The following TCHH variants were observed in gnomAD, a reference collection of about 807,000 sequenced individuals.
TCHH encodes the protein trichohyalin.
A neutral mutation model predicts 6.3 loss-of-function variants in TCHH; 6 were observed. That is an observed-to-expected ratio of 0.95 (90% confidence interval 0.52 to 1.88). The LOEUF is 1.88. Ranked by LOEUF, TCHH falls within the 40% of genes most tolerant of loss-of-function variation. The pLI is 0.01. For synonymous variants in TCHH, 1,087 were observed against 963.6 expected (o/e 1.13, Z -2.37); for missense variants, 2,920 against 2,449.1 (o/e 1.19, Z -4.06).
Position 152,108,084 on chromosome 1 carries a change from C to A in TCHH, c.5133G>T (p.Gln1711His). ...RRQERERKFLQEEQQLRRQEL... is the reference protein window; with the variant it reads ...RRQERERKFLHEEQQLRRQEL... ...CCTGGCGGCGCAGCTGCTGTTCCTC[C>A]TGGAGGAATTTTCTCTCTCGTTCCT... The change falls in exon 3 of 3, where the codon CAG (glutamine) becomes CAT (histidine). Residue 1711 changes from glutamine to histidine, a missense_variant. Gln to His is a conservative substitution (Grantham distance 24). Transcript: ENST00000614923. 6.2e-7 allele frequency: 1 copy of A among 1,611,938 alleles called. No homozygotes were observed. The highest frequency in any genetic ancestry group is 8.5e-7 in the Non-Finnish European group (1 of 1,179,428).
Position 152,107,780 on chromosome 1 carries a change from G to A in TCHH, c.5437C>T (p.Arg1813Cys), listed in dbSNP as rs760620259. 2.9e-5 allele frequency: 47 copies of A among 1,614,072 alleles called. No individual in the cohort carries two copies. The highest frequency in any genetic ancestry group is 3.9e-5 in the Non-Finnish European group (46 of 1,180,022). Residue 1813 changes from arginine to cysteine, a missense_variant, in exon 3 of 3, where the codon CGC becomes TGC. Coordinates refer to ENST00000614923, the MANE Select transcript of TCHH (RefSeq NM_007113.4). ...TACTTTCCGTCACGCTGTTGGGGGC[G>A]CAGCTGCTGTTCTTCCCTCTCCTGG... ...LRQEREEQQL[R>C]PQQRDGKYRW...
Position 152,107,454 on chromosome 1 carries a change from GGCAAACTGATGAGT to G in TCHH, c.5749_5762del (p.Thr1917GlnfsTer11). ...GAGGGCTGGAGCGCACTGGGACACT[GGCAAACTGATGAGT>G]GCCGGGCTCCAGAAGCCGCCCATGG... On this transcript the variant is annotated frameshift_variant, in exon 3 of 3. Coordinates refer to ENST00000614923, the MANE Select transcript of TCHH (RefSeq NM_007113.4). LOFTEE classifies it high-confidence loss of function. 6.2e-7 allele frequency: 1 copy of G among 1,613,870 alleles called. No individual in the cohort carries two copies. The highest frequency in any genetic ancestry group is 8.5e-7 in the Non-Finnish European group (1 of 1,179,882).
In TCHH at chr1:152,111,166, T is replaced by C; in HGVS notation, c.2051A>G (p.Glu684Gly). The change falls in exon 3 of 3, where the codon GAG (glutamate) becomes GGG (glycine). Residue 684 changes from glutamate to glycine, a missense_variant. Transcript: ENST00000614923. Reference sequence around the variant, plus strand: ...CTGTTCCTGCTCCTCCTCAGCTAGCTCCTGCTCGCGCCTCTCTTCCTCATG... The same window carrying C: ...CTGTTCCTGCTCCTCCTCAGCTAGCCCCTGCTCGCGCCTCTCTTCCTCATG... ...REHEEERREQ[E>G]LAEEEQEQAR... is the part of the protein sequence containing the mutation. 6.2e-7 allele frequency: 1 copy of C among 1,613,842 alleles called. No individual in the cohort carries two copies. The highest frequency in any genetic ancestry group is 1.3e-5 in the African/African-American group (1 of 75,012).
In TCHH at chr1:152,109,302, C is replaced by G. The variant is rs757359558; in HGVS notation, c.3915G>C (p.Lys1305Asn). ...EEEQLEREEQ[K>N]EAKRRDRKSQ... ...ACTTCCTGTCGCGCCTTTTGGCTTC[C>G]TTTTGCTCTTCTCGCTCCAGCTGTT... The change falls in exon 3 of 3, where the codon AAG (lysine) becomes AAC (asparagine). Residue 1305 changes from lysine (K) to asparagine (N), a missense_variant. Lys to Asn is a moderately conservative substitution (Grantham distance 94). Coordinates refer to ENST00000614923, the MANE Select transcript of TCHH (RefSeq NM_007113.4). 25 of 1,614,076 alleles carry G rather than the reference C, an allele frequency of 1.5e-5. No homozygotes were observed. The East Asian group carries it at 5.1e-4, about 33-fold the overall frequency.
chr1:152,114,893 T>A (rs1658473623), intron 1 of TCHH, among the ~76,000 whole-genome samples: 1 of 152,242 alleles, frequency 6.6e-6, no homozygotes, highest in Non-Finnish European at 1.5e-5. Context: ...AATGCATCAT[T>A]GGAATCTTGG....
rs767223699 is a variant in TCHH at position 152,112,350 on chromosome 1, C to G, written c.867G>C (p.Glu289Asp). ...RKLERQELRRERQEEEQQQQR... is the reference protein window; with the variant it reads ...RKLERQELRRDRQEEEQQQQR... ...GCTGCTGCTGCTCTTCCTCCTGGCGCTCCCTCCTCAGCTCTTGCCGCTCCA... is the reference window on the plus strand; with the variant it reads ...GCTGCTGCTGCTCTTCCTCCTGGCGGTCCCTCCTCAGCTCTTGCCGCTCCA... The change falls in exon 3 of 3, where the codon GAG becomes GAC. Residue 289 changes from glutamate (E) to aspartate (D), a missense_variant. Transcript: ENST00000614923. 1 of 1,613,492 alleles carries G rather than the reference C, an allele frequency of 6.2e-7. No individual in the cohort carries two copies. Among genetic ancestry groups the G allele is most frequent in the African/African-American group, 1.3e-5 (1 of 74,972 alleles).
rs1233058678 is a variant in TCHH, at chr1:152,110,677, T to C, written c.2540A>G (p.Gln847Arg). ...GCCGTCCTCCTCCTCCTGGAGCTGTTGGGCACGCTCCCGCCGCTGGAGCTG... is the reference window on the plus strand; with the variant it reads ...GCCGTCCTCCTCCTCCTGGAGCTGTCGGGCACGCTCCCGCCGCTGGAGCTG... ...EEQLQRRERA[Q>R]QLQEEEDGLQ... The change falls in exon 3 of 3, where the codon CAA becomes CGA. Residue 847 changes from glutamine to arginine, a missense_variant. By Grantham distance (43) the Gln-to-Arg change is conservative. Coordinates refer to ENST00000614923, the MANE Select transcript of TCHH (RefSeq NM_007113.4). 2 of 1,612,818 alleles carry C rather than the reference T, an allele frequency of 1.2e-6. No homozygotes were observed. The highest frequency in any genetic ancestry group is 1.7e-6 in the Non-Finnish European group (2 of 1,179,850).
At position 152,108,400 on chromosome 1, in the gene TCHH, C is replaced by G. The variant is rs199596633; in HGVS notation, c.4817G>C (p.Arg1606Pro). 6.2e-7 allele frequency: 1 copy of G among 1,612,350 alleles called. No homozygotes were observed. Among genetic ancestry groups the G allele is most frequent in the African/African-American group, 1.3e-5 (1 of 74,376 alleles). The change falls in exon 3 of 3, where the codon CGC becomes CCC. Residue 1606 changes from arginine to proline, a missense_variant. Coordinates refer to ENST00000614923, the MANE Select transcript of TCHH (RefSeq NM_007113.4). Reference sequence around the variant, plus strand: ...GCGCAGCTGTTGTTGGCCCTCCTGGCGGCGCAGCTGCTGTTCGTCCTCCAT... The same window carrying G: ...GCGCAGCTGTTGTTGGCCCTCCTGGGGGCGCAGCTGCTGTTCGTCCTCCAT... ...KFMEDEQQLR[R>P]QEGQQQLRQE...
rs1658244498 is a variant in TCHH at position 152,109,549 on chromosome 1, A to G, written c.3668T>C (p.Leu1223Pro). 2 of 1,614,230 alleles carry G rather than the reference A, an allele frequency of 1.2e-6. No homozygotes were observed. The highest frequency in any genetic ancestry group is 2.2e-5 in the East Asian group (1 of 44,882). ...TTTTTCTGGTTCCCACTGCCATTTC[A>G]GATCACTGCGCTGATCCTCATCCCG... ...RYRDEDQRSD[L>P]KWQWEPEKEN... The change falls in exon 3 of 3, where the codon CTG (leucine) becomes CCG (proline). Residue 1223 changes from leucine to proline, a missense_variant. Coordinates refer to ENST00000614923, the MANE Select transcript of TCHH (RefSeq NM_007113.4).
In TCHH at chr1:152,111,563, G is replaced by C. The variant is rs6680692; in HGVS notation, c.1654C>G (p.Arg552Gly). ...TGCTCGAGCCTCTTCTCCTCCTCGC[G>C]CTTCAGCAGCTGCTCGCGCCTCTCC... ...QEERREQLLK[R>G]EEEKRLEQER... The change falls in exon 3 of 3, where the codon CGC becomes GGC. Residue 552 changes from arginine (R) to glycine (G), a missense_variant. Arg to Gly is a moderately radical substitution (Grantham distance 125). Coordinates refer to ENST00000614923, the MANE Select transcript of TCHH (RefSeq NM_007113.4). 67 of 1,593,210 alleles carry C rather than the reference G, an allele frequency of 4.2e-5. No individual in the cohort carries two copies. In the East Asian group the frequency reaches 6.4e-4, roughly 15 times the overall value.
In TCHH at chr1:152,110,370, C is replaced by T. The variant is rs765754853; in HGVS notation, c.2847G>A (p.Glu949=). The change falls in exon 3 of 3, where the codon GAG becomes GAA. Residue 949 remains glutamate (E), a synonymous_variant. Transcript: ENST00000614923. ...EEEQLLREER[E]KRRRQERERQ... ...TTTCCCGCTCCTGGCGTCTTCTTTTCTCCCGTTCCTCTCTCAGCAGCTGCT... is the reference window on the plus strand; with the variant it reads ...TTTCCCGCTCCTGGCGTCTTCTTTTTTCCCGTTCCTCTCTCAGCAGCTGCT... The T allele has an allele frequency of 2.6e-5, 42 of 1,613,242 alleles. No individual in the cohort carries two copies. The East Asian group carries it at 2.7e-4, about 10-fold the overall frequency.
Position 152,110,853 on chromosome 1 carries a change from G to A in TCHH, c.2364C>T (p.Pro788=). 1 of 1,609,266 alleles carries A rather than the reference G, an allele frequency of 6.2e-7. No homozygotes were observed. Among genetic ancestry groups the A allele is most frequent in the Non-Finnish European group, 8.5e-7 (1 of 1,179,536 alleles). ...ERGRQRLSAR[P]PLREQRERQL... ...GCCTCTCCCGCTGCTCCCGCAATGG[G>A]GGCCTGGCCGACAGCCTCTGACGGC... Residue 788 remains proline (P), a synonymous_variant, in exon 3 of 3, where the codon CCC becomes CCT. Transcript: ENST00000614923.
In TCHH at chr1:152,111,451, C is replaced by G. The variant is rs770230502; in HGVS notation, c.1766G>C (p.Arg589Pro). Residue 589 changes from arginine (R) to proline (P), a missense_variant, in exon 3 of 3, where the codon CGG becomes CCG. Arg to Pro is a moderately radical substitution (Grantham distance 103). Coordinates refer to ENST00000614923, the MANE Select transcript of TCHH (RefSeq NM_007113.4). The stretch of plus-strand genomic sequence containing the variant: ...CCTCTCTTCCTGCTCGCGCTTCAGC[C>G]GCTGCTGGCGCCTCTCCTCCTCGCG... ...LKREEERRQQ[R>P]LKREQEERLE... 15 of 1,574,276 alleles carry G rather than the reference C, an allele frequency of 9.5e-6. No individual in the cohort carries two copies. Among genetic ancestry groups the G allele is most frequent in the Admixed American group, 1.7e-5 (1 of 57,354 alleles).
At position 152,112,839 on chromosome 1, in the gene TCHH, G is replaced by T. The variant is rs1195103896; in HGVS notation, c.378C>A (p.Asp126Glu). ...EEDQRRFEPR[D>E]RQLEEEPGQR... Reference sequence around the variant, plus strand: ...GCCCAGGTTCTTCTTCCAGTTGTCTGTCCCGGGGCTCGAATCTCCTTTGGT... The same window carrying T: ...GCCCAGGTTCTTCTTCCAGTTGTCTTTCCCGGGGCTCGAATCTCCTTTGGT... The change falls in exon 3 of 3, where the codon GAC becomes GAA. Residue 126 changes from aspartate (D) to glutamate (E), a missense_variant. Transcript: ENST00000614923. The T allele has an allele frequency of 6.2e-7, 1 of 1,613,686 alleles. No homozygotes were observed. The highest frequency in any genetic ancestry group is 1.3e-5 in the African/African-American group (1 of 74,756).
rs767074193 is a variant in TCHH at position 152,107,438 on chromosome 1, A to C, written c.5779T>G (p.Ser1927Ala). Residue 1927 changes from serine (S) to alanine (A), a missense_variant, in exon 3 of 3, where the codon TCC becomes GCC. Coordinates refer to ENST00000614923, the MANE Select transcript of TCHH (RefSeq NM_007113.4). ...THQFASVPVR[S>A]SPLYEYIQEQ... is the part of the protein sequence containing the mutation. ...TGGATGTACTCATAGAGAGGGCTGG[A>C]GCGCACTGGGACACTGGCAAACTGA... 6.2e-6 allele frequency: 10 copies of C among 1,612,208 alleles called. No homozygotes were observed. The highest frequency in any genetic ancestry group is 8.5e-6 in the Non-Finnish European group (10 of 1,179,026).
chr1:152,114,226 A>C (rs1266748993), intron 1 of TCHH, 115 bp from the exon 2 acceptor site: 1 of 708,422 alleles, frequency 1.4e-6, no homozygotes, highest in African/African-American at 1.8e-5. Context: ...CGGTAATTTC[A>C]ACCTGGACTT....
Position 152,107,637 on chromosome 1 carries a change from C to T in TCHH, c.5580G>A (p.Glu1860=), listed in dbSNP as rs1042022503. 2.5e-6 allele frequency: 4 copies of T among 1,614,116 alleles called. No homozygotes were observed. Among genetic ancestry groups the T allele is most frequent in the Non-Finnish European group, 3.4e-6 (4 of 1,180,036 alleles). The change falls in exon 3 of 3, where the codon GAG becomes GAA. Residue 1860 remains glutamate, a synonymous_variant. Coordinates refer to ENST00000614923, the MANE Select transcript of TCHH (RefSeq NM_007113.4). The stretch of plus-strand genomic sequence containing the variant: ...CCTCTTCTTGCCATAGTTCTTGTTC[C>T]TCACGACGACTCTTCTCCTGCGTGG... ...QFATQEKSRR[E]EQELWQEEEQ...
In TCHH at chr1:152,107,437, G is replaced by A; in HGVS notation, c.5780C>T (p.Ser1927Phe). Residue 1927 changes from serine to phenylalanine, a missense_variant, in exon 3 of 3, where the codon TCC (serine) becomes TTC (phenylalanine). Transcript: ENST00000614923. ...TTGGATGTACTCATAGAGAGGGCTG[G>A]AGCGCACTGGGACACTGGCAAACTG... is the stretch of plus-strand genomic sequence containing the variant. ...THQFASVPVR[S>F]SPLYEYIQEQ... The A allele has an allele frequency of 1.2e-6, 2 of 1,612,162 alleles. No homozygotes were observed. The highest frequency in any genetic ancestry group is 1.7e-6 in the Non-Finnish European group (2 of 1,178,952).
At position 152,106,681 on chromosome 1, in the gene TCHH, A is replaced by C. The variant is rs916423584; in HGVS notation, c.*704T>G. Reference sequence around the variant, plus strand: ...AATTTGAACTCTGAAGTTGAGAAACACCTCATTATTTCTTCATGAGATTAT... The same window carrying C: ...AATTTGAACTCTGAAGTTGAGAAACCCCTCATTATTTCTTCATGAGATTAT... On this transcript the variant is annotated 3_prime_UTR_variant, in exon 3 of 3. Coordinates refer to ENST00000614923, the MANE Select transcript of TCHH (RefSeq NM_007113.4). The C allele has an allele frequency of 1.3e-5, 2 of 152,204 alleles. No individual in the cohort carries two copies. Among genetic ancestry groups the C allele is most frequent in the African/African-American group, 2.4e-5 (1 of 41,454 alleles). 9.4% of individuals were successfully genotyped at this position (152,204 alleles called of 1,614,324 possible). A position where few individuals can be genotyped will look rare whatever the true frequency, so the allele number is the denominator to read the frequency against.
Sources: gnomAD v4.1 joint callset for allele counts (sites outside exome capture counted in the v4.1 genomes callset) on GRCh38, gnomAD v4.1.1 for gene constraint, MANE v1.5 for transcripts, NCBI Gene and HGNC (gene_info 2026-07-23, HGNC 2026-07-21) for gene names.